Variants in NAALADL2 observed in about 807,000 individuals in gnomAD.
NAALADL2 encodes N-acetylated alpha-linked acidic dipeptidase like 2, also known as inactive N-acetylated-alpha-linked acidic dipeptidase-like protein 2.
A neutral mutation model predicts 87.2 loss-of-function variants in NAALADL2; 76 were observed. The observed-to-expected ratio is 0.87, with a 90% CI of 0.72 to 1.05. NAALADL2 has a LOEUF of 1.05. Among genes scored for constraint, NAALADL2 ranks in the 50% least tolerant of loss-of-function variants. NAALADL2 has a pLI of 0.00. For synonymous variants in NAALADL2, 354 were observed against 331.0 expected, an observed-to-expected ratio of 1.07 and a Z score of -0.75; for missense variants, 1,089 against 945.8, an observed-to-expected ratio of 1.15 and a Z score of -1.99.
intron 9 of NAALADL2, among the ~76,000 whole-genome samples, chr3:175,571,896 A>G (rs1434524495): frequency 1.3e-5 from 2 of 152,222 alleles, no homozygotes; most frequent in African/African-American, 4.8e-5. Context: ...GTTAGAAACA[A>G]AAGCATGAAA....
At chr3:174,750,462 C>G (rs1734714580) in intron 3 of NAALADL2, among the ~76,000 whole-genome samples, 1 of 56 alleles carries the variant, frequency 0.018, no homozygotes, top group African/African-American at 0.062. Flanking sequence ...CAGACTTCTG[C>G]TGCTGTTGCC....
chr3:174,753,495 G>A (rs938874735), intron 3 of NAALADL2, among the ~76,000 whole-genome samples: 3 of 152,108 alleles, frequency 2.0e-5, no homozygotes, highest in Non-Finnish European at 4.4e-5. Flanking sequence ...TTTTACATTG[G>A]TGGCTTTAAT....
chr3:174,469,580 C>T (rs1380760982), intron 1 of NAALADL2, among the ~76,000 whole-genome samples: 2 of 152,092 alleles, frequency 1.3e-5, no homozygotes, highest in African/African-American at 4.8e-5. Flanking sequence ...AGGTACCCGC[C>T]ACCAAGTCCA....
chr3:174,754,024 C>A (rs566011626), intron 3 of NAALADL2, among the ~76,000 whole-genome samples: 1 of 152,292 alleles, frequency 6.6e-6, no homozygotes, highest in East Asian at 1.9e-4. Flanking sequence ...CAACTTTTAT[C>A]CTCCCAAACT....
At position 175,467,024 on chromosome 3, in the gene NAALADL2, A is replaced by G. The variant is rs753511577; in HGVS notation, c.1373A>G (p.Tyr458Cys). The stretch of plus-strand genomic sequence containing the variant: ...AGCCATCATCACACTGCACACAGTT[A>G]TAATGGACAAGAATGGGCCAGTAGT... ...VGSHHHTAHS[Y>C]NGQEWASSTA... Residue 458 changes from tyrosine (Y) to cysteine (C), a missense_variant, in exon 8 of 14, where the codon TAT (tyrosine) becomes TGT (cysteine). Coordinates refer to ENST00000454872, the MANE Select transcript of NAALADL2 (RefSeq NM_207015.3). The G allele has an allele frequency of 1.2e-6, 2 of 1,613,886 alleles. No homozygotes were observed. Among genetic ancestry groups the G allele is most frequent in the Admixed American group, 3.3e-5 (2 of 60,014 alleles).
intron 2 of NAALADL2, among the ~76,000 whole-genome samples, chr3:175,139,252 A>T (rs535605155): frequency 2.0e-5 from 3 of 151,858 alleles, no homozygotes; most frequent in Non-Finnish European, 2.9e-5. Context: ...TCCCTTTTAA[A>T]TACATCCTTG....
At chr3:175,689,578 G>A (rs952315618) in intron 11 of NAALADL2, among the ~76,000 whole-genome samples, 2 of 152,092 alleles carry the variant, frequency 1.3e-5, no homozygotes, top group African/African-American at 4.8e-5. Flanking sequence ...TGGTTATCTG[G>A]TAAATGTAGT....
At chr3:174,578,914 G>C (rs530023617) in intron 2 of NAALADL2, among the ~76,000 whole-genome samples, 4 of 151,734 alleles carry the variant, frequency 2.6e-5, no homozygotes, top group Admixed American at 2.6e-4. Flanking sequence ...TTTCACAAAG[G>C]CTTCATCATC....
At chr3:174,883,421 G>A (rs774252397) in intron 1 of NAALADL2, among the ~76,000 whole-genome samples, 5 of 151,974 alleles carry the variant, frequency 3.3e-5, no homozygotes, top group African/African-American at 7.3e-5. Flanking sequence ...TCATAATTAC[G>A]CCTAACATGA....
intron 8 of NAALADL2, among the ~76,000 whole-genome samples, chr3:175,468,839 T>G (rs1560602804): frequency 6.6e-6 from 1 of 152,042 alleles, no homozygotes; most frequent in African/African-American, 2.4e-5. Flanking sequence ...TGGGCTTGCA[T>G]GTGTGTGAGC....
intron 10 of NAALADL2, among the ~76,000 whole-genome samples, chr3:175,601,417 G>A (rs1431414488): frequency 1.3e-5 from 2 of 151,990 alleles, no homozygotes; most frequent in East Asian, 3.9e-4. Flanking sequence ...CTATGATGTT[G>A]GACACATTAT....
intron 4 of NAALADL2, among the ~76,000 whole-genome samples, chr3:175,260,808 T>C (rs1750897523): frequency 6.6e-6 from 1 of 152,162 alleles, no homozygotes; most frequent in Non-Finnish European, 1.5e-5. Context: ...ATAATTATGA[T>C]ATTAAATTAT....
chr3:174,449,146 A>G (rs781741071), intron 1 of NAALADL2, among the ~76,000 whole-genome samples: 8 of 152,184 alleles, frequency 5.3e-5, no homozygotes, highest in Non-Finnish European at 1.2e-4. Context: ...TGCTTGAAGA[A>G]TGGAACCAGT....
chr3:175,778,026 T>C (rs1000442585), intron 13 of NAALADL2, among the ~76,000 whole-genome samples: 1 of 152,222 alleles, frequency 6.6e-6, no homozygotes, highest in African/African-American at 2.4e-5. Context: ...ACCACTACTA[T>C]TGGCTGTCTG....
At chr3:175,290,901 G>A (rs767763773) in intron 4 of NAALADL2, among the ~76,000 whole-genome samples, 8 of 148,700 alleles carry the variant, frequency 5.4e-5, no homozygotes, top group East Asian at 1.9e-4. Flanking sequence ...ATGTGTGTGC[G>A]TGTTTTTTTT....
intron 1 of NAALADL2, among the ~76,000 whole-genome samples, chr3:174,519,162 G>A (rs1720109763): frequency 6.6e-6 from 1 of 152,082 alleles, no homozygotes; most frequent in Non-Finnish European, 1.5e-5. Flanking sequence ...TGGTAAGTAT[G>A]CTCAATATAC....
At chr3:175,504,733 G>T (rs1383730403) in intron 9 of NAALADL2, among the ~76,000 whole-genome samples, 1 of 151,888 alleles carries the variant, frequency 6.6e-6, no homozygotes, top group Non-Finnish European at 1.5e-5. Flanking sequence ...ATGAAATTTT[G>T]TTATGGCGTC....
At chr3:174,617,454 A>G (rs546209551) in intron 2 of NAALADL2, among the ~76,000 whole-genome samples, 1 of 151,850 alleles carries the variant, frequency 6.6e-6, no homozygotes, top group Admixed American at 6.6e-5. Flanking sequence ...TGTACAATTT[A>G]ATATAAGAAA....
rs145380196 is a variant in NAALADL2 at position 175,612,420 on chromosome 3, A to G, written c.1801-14871A>G. Among the ~76,000 whole-genome samples the G allele has an allele frequency of 3.2e-3, 484 of 152,316 alleles. 13 individuals carry two copies. Among genetic ancestry groups the G allele is most frequent in the Admixed American group, 0.03 (454 of 15,286 alleles). On this transcript the variant is annotated intron_variant, in intron 10 of 13. Coordinates refer to ENST00000454872, the MANE Select transcript of NAALADL2 (RefSeq NM_207015.3). ...TTCATTTCCCTGGGTGTTTTCACCC[A>G]GATTATGAAACATGAGGTCATGATA... is the stretch of plus-strand genomic sequence containing the variant.
Sources: allele counts gnomAD v4.1 joint callset (sites outside exome capture counted in the v4.1 genomes callset), GRCh38; gene constraint gnomAD v4.1.1; transcripts MANE v1.5; gene names NCBI Gene and HGNC (gene_info 2026-07-23, HGNC 2026-07-21).